ANKRD13C: variants seen among roughly 807,000 people sequenced by gnomAD.
The protein encoded by ANKRD13C is ankyrin repeat domain-containing protein 13C.
A neutral mutation model predicts 65.5 loss-of-function variants in ANKRD13C; 16 were observed. That is an observed-to-expected ratio of 0.24 (90% CI 0.17 to 0.37). The LOEUF (loss-of-function observed/expected upper bound fraction) is 0.37. Among genes scored for constraint, ANKRD13C ranks in the 10% least tolerant of loss-of-function variants. The pLI is 1.00. For missense variants in ANKRD13C, 503 were observed against 655.9 expected, an observed-to-expected ratio of 0.77 and a Z score of 2.55; for synonymous variants, 235 against 238.7, an observed-to-expected ratio of 0.98 and a Z score of 0.14.
chr1:70,344,463 C>CAA (rs79884261), intron 1 of ANKRD13C, among the ~76,000 whole-genome samples: 19 of 143,212 alleles, frequency 1.3e-4, no homozygotes, highest in East Asian at 4.0e-4. Flanking sequence ...GACCCTATCT[C>CAA]AAAAAAAAAA....
chr1:70,260,590 C>T lies in ANKRD13C; in HGVS notation c.*2127G>A, dbSNP rs1462829484. ...TAAAAGGCACATTTCGAAAAATCTT[C>T]ATTAAAAGTAATACTGTGAAAAGTT... is the stretch of plus-strand genomic sequence containing the variant. On this transcript the variant is annotated 3_prime_UTR_variant, in exon 13 of 13. Transcript: ENST00000370944. 6.6e-6 allele frequency: 1 copy of T among 152,078 alleles called. No homozygotes were observed. The highest frequency in any genetic ancestry group is 1.9e-4 in the East Asian group (1 of 5,188). 9.4% of individuals were successfully genotyped at this position (152,078 alleles called of 1,614,324 possible). A position where few individuals can be genotyped will look rare whatever the true frequency, so the allele number is the denominator to read the frequency against.
intron 2 of ANKRD13C, among the ~76,000 whole-genome samples, chr1:70,332,249 A>G (rs1558307116): frequency 6.6e-6 from 1 of 152,240 alleles, no homozygotes; most frequent in South Asian, 2.1e-4. Context: ...ACATGCCCCA[A>G]CTTGAAACAT....
chr1:70,340,078 G>A (rs1331471519), intron 1 of ANKRD13C, among the ~76,000 whole-genome samples: 1 of 151,702 alleles, frequency 6.6e-6, no homozygotes, highest in East Asian at 1.9e-4. Flanking sequence ...TCAAACTCCT[G>A]GACTCAAGCA....
chr1:70,272,294 C>T (rs761110872), intron 11 of ANKRD13C, among the ~76,000 whole-genome samples: 1 of 150,464 alleles, frequency 6.6e-6, no homozygotes, highest in African/African-American at 2.4e-5. Context: ...GGCGTGATGT[C>T]GGCTCAACGC....
Position 70,276,794 on chromosome 1 carries a change from C to T in ANKRD13C, c.1266G>A (p.Trp422Ter). 1 of 1,601,830 alleles carries T rather than the reference C, an allele frequency of 6.2e-7. No homozygotes were observed. Among genetic ancestry groups the T allele is most frequent in the Non-Finnish European group, 8.5e-7 (1 of 1,176,970 alleles). The part of the protein sequence containing the change: ...LTPPPQNTIT[W>*]EEYISAENGK... ...CATTTTCAGCAGATATATATTCTTC[C>T]CATGTAATAGTGTTCTGAGGAGGAG... The change falls in exon 10 of 13, where the codon TGG (tryptophan) becomes TGA (stop). Residue 422 changes from tryptophan (W) to a stop codon, truncating the protein, a stop_gained. Coordinates refer to ENST00000370944, the MANE Select transcript of ANKRD13C (RefSeq NM_030816.5). LOFTEE classifies it high-confidence loss of function.
chr1:70,348,696 A>G (rs908692558), intron 1 of ANKRD13C, among the ~76,000 whole-genome samples: 1 of 152,244 alleles, frequency 6.6e-6, no homozygotes, highest in African/African-American at 2.4e-5. Context: ...TACCTGCATC[A>G]GCAGGAATAT....
At chr1:70,338,237 AAAC>A (rs1682140811) in intron 1 of ANKRD13C, among the ~76,000 whole-genome samples, 1 of 152,188 alleles carries the variant, frequency 6.6e-6, no homozygotes, top group Non-Finnish European at 1.5e-5. Context: ...CTCCCCTCAC[AAAC>A]AACTGTATGT....
intron 3 of ANKRD13C, among the ~76,000 whole-genome samples, chr1:70,323,658 T>C (rs191431870): frequency 1.4e-5 from 2 of 147,634 alleles, no homozygotes; most frequent in Non-Finnish European, 3.0e-5. Context: ...AAAAAAAAAA[T>C]TTTTTTTGTT....
rs539753941 is a variant in ANKRD13C, at chr1:70,345,339, G to T, written c.430+8640C>A. 4.0e-5 allele frequency among the ~76,000 whole-genome samples: 6 copies of T among 151,798 alleles called. No individual in the cohort carries two copies. In the East Asian group the frequency reaches 9.7e-4, roughly 25 times the overall value. On this transcript the variant is annotated intron_variant, in intron 1 of 12. Coordinates refer to ENST00000370944, the MANE Select transcript of ANKRD13C (RefSeq NM_030816.5). ...AGCTACTCGGGAGGCTGAAGCAGGA[G>T]AATCGCTTGAACCCAGGAGGCAGAG...
intron 9 of ANKRD13C, among the ~76,000 whole-genome samples, chr1:70,287,013 A>G (rs1308570575): frequency 6.6e-6 from 1 of 152,050 alleles, no homozygotes; most frequent in East Asian, 1.9e-4. Flanking sequence ...AAATAAAATA[A>G]AGACTATAGA....
chr1:70,331,820 CAAAAAA>C lies in ANKRD13C; in HGVS notation c.472+4232_472+4237del, dbSNP rs10526340. Among the ~76,000 whole-genome samples the C allele has an allele frequency of 4.0e-4, 28 of 70,040 alleles. 2 individuals carry two copies. The highest frequency in any genetic ancestry group is 3.5e-3 in the East Asian group (7 of 1,986). 45.9% of individuals were successfully genotyped at this position (70,040 alleles called of 152,430 possible). A position where few individuals can be genotyped will look rare whatever the true frequency, so the allele number is the denominator to read the frequency against. On this transcript the variant is annotated intron_variant, in intron 2 of 12. Coordinates refer to ENST00000370944, the MANE Select transcript of ANKRD13C (RefSeq NM_030816.5). ...CTAGGCAACAGAGCAAGACTCGACT[CAAAAAA>C]AAAAAAAAAAAAAAAAAGGAACACT...
intron 11 of ANKRD13C, 137 bp downstream of exon 11, chr1:70,274,583 G>A (rs1679049551): frequency 1.5e-6 from 1 of 671,928 alleles, no homozygotes; most frequent in Non-Finnish European, 2.6e-6. Flanking sequence ...CTAGAACAGT[G>A]CACACACTAT....
intron 7 of ANKRD13C, among the ~76,000 whole-genome samples, chr1:70,296,976 G>GA (rs1028016099): frequency 6.6e-6 from 1 of 151,974 alleles, no homozygotes; most frequent in Non-Finnish European, 1.5e-5. Context: ...TTTTATATGA[G>GA]AAAAAAGGAA....
intron 3 of ANKRD13C, among the ~76,000 whole-genome samples, chr1:70,322,467 C>A (rs1271280479): frequency 6.6e-6 from 1 of 152,160 alleles, no homozygotes; most frequent in Non-Finnish European, 1.5e-5. Context: ...TAAGGTATCA[C>A]TCTACATAAG....
At chr1:70,293,233 CTT>C (rs1199213401) in intron 8 of ANKRD13C, among the ~76,000 whole-genome samples, 1 of 152,036 alleles carries the variant, frequency 6.6e-6, no homozygotes, top group Non-Finnish European at 1.5e-5. Context: ...TCAACATTAA[CTT>C]TTACCTTTTT....
intron 7 of ANKRD13C, among the ~76,000 whole-genome samples, chr1:70,300,348 G>A (rs1053156186): frequency 1.3e-5 from 2 of 152,108 alleles, no homozygotes; most frequent in Admixed American, 1.3e-4. Context: ...AGCTCTTTGG[G>A]AGGCCGAGGT....
At chr1:70,278,893 A>G (rs1012227681) in intron 9 of ANKRD13C, among the ~76,000 whole-genome samples, 2 of 152,122 alleles carry the variant, frequency 1.3e-5, no homozygotes, top group African/African-American at 4.8e-5. Context: ...ATTAATGGAG[A>G]TAACGTATAT....
intron 4 of ANKRD13C, 57 bp downstream of exon 4, chr1:70,315,424 A>T: frequency 6.9e-7 from 1 of 1,447,324 alleles, no homozygotes; most frequent in Non-Finnish European, 9.4e-7. Context: ...AAAAATGCTT[A>T]AAACTACACT....
chr1:70,294,025 TACAGTATATCCATC>T (rs1288223074), intron 8 of ANKRD13C, among the ~76,000 whole-genome samples: 1 of 152,194 alleles, frequency 6.6e-6, no homozygotes, highest in Non-Finnish European at 1.5e-5. Context: ...TATGTTAAGT[TACAGTATATCCATC>T]ATATAGAATA....
Sources: allele counts gnomAD v4.1 joint callset (sites outside exome capture counted in the v4.1 genomes callset), GRCh38; gene constraint gnomAD v4.1.1; transcripts MANE v1.5; gene names NCBI Gene and HGNC (gene_info 2026-07-23, HGNC 2026-07-21).